Variants in ABCB11 observed in about 807,000 individuals in gnomAD.
The protein encoded by ABCB11 is ATP binding cassette subfamily B member 11.
In ABCB11, 95 loss-of-function variants were observed where a neutral mutation model predicts 148.0. The ratio of observed to expected loss-of-function variants is 0.64; its 90% CI spans 0.54 to 0.76. The LOEUF (loss-of-function observed/expected upper bound fraction) is 0.76. Among genes scored for constraint, ABCB11 ranks in the 30% least tolerant of loss-of-function variants. The pLI is 0.00. For missense variants in ABCB11, 1,523 were observed against 1,617.8 expected (o/e 0.94, Z 1.01); for synonymous variants, 591 against 555.4 (o/e 1.06, Z -0.90).
At chr2:168,915,857 C>G (rs1047667449), downstream of ABCB11, among the ~76,000 whole-genome samples, 1 of 152,154 alleles carries the variant, frequency 6.6e-6, no homozygotes, top group African/African-American at 2.4e-5. Flanking sequence ...ATTTTGCTTT[C>G]CAGCCTCTGT....
intron 10 of ABCB11, among the ~76,000 whole-genome samples, chr2:168,983,095 C>G (rs1223256357): frequency 6.6e-6 from 1 of 151,964 alleles, no homozygotes; most frequent in Non-Finnish European, 1.5e-5. Flanking sequence ...AGAGAGTTAC[C>G]AAAGGGATTT....
chr2:168,968,790 CA>C lies in ABCB11; in HGVS notation c.2012-301del, dbSNP rs4148788. Among the ~76,000 whole-genome samples the C allele has an allele frequency of 0.035, 5,125 of 148,324 alleles. 308 individuals carry two copies. Among genetic ancestry groups the C allele is most frequent in the East Asian group, 0.25 (1,255 of 5,028 alleles). On this transcript the variant is annotated intron_variant, in intron 16 of 27. Coordinates refer to ENST00000650372, the MANE Select transcript of ABCB11 (RefSeq NM_003742.4). ...TTTAAGAGAAGTCCATCAGAAGTAGCAAAAAAAAAATGATAGAAACACTAAA... is the reference window on the plus strand; with the variant it reads ...TTTAAGAGAAGTCCATCAGAAGTAGCAAAAAAAAATGATAGAAACACTAAA...
intron 17 of ABCB11, 53 bp downstream of exon 17, chr2:168,968,374 G>A (rs991886952): frequency 4.6e-6 from 7 of 1,512,610 alleles, no homozygotes; most frequent in Non-Finnish European, 6.4e-6. Context: ...GACTACAGAG[G>A]ACTCCTCAGA....
At chr2:168,948,435 T>C (rs1322628105) in intron 19 of ABCB11, among the ~76,000 whole-genome samples, 1 of 151,616 alleles carries the variant, frequency 6.6e-6, no homozygotes, top group East Asian at 1.9e-4. Context: ...CTCCACTCTA[T>C]GCCCAACATT....
chr2:168,920,170 G>C (rs148967473), downstream of ABCB11, among the ~76,000 whole-genome samples: 22 of 152,250 alleles, frequency 1.4e-4, no homozygotes, highest in Non-Finnish European at 2.1e-4. Context: ...CCAGTCACAT[G>C]ATTATAATTC....
chr2:168,942,229 C>T (rs78505070), intron 21 of ABCB11, among the ~76,000 whole-genome samples: 1 of 118,362 alleles, frequency 8.4e-6, no homozygotes, highest in African/African-American at 2.9e-5. Flanking sequence ...GGACATATAA[C>T]TATGAATCTT....
chr2:169,010,534 G>A lies in ABCB11; in HGVS notation c.389+2738C>T, dbSNP rs149538753. 1.2e-3 allele frequency among the ~76,000 whole-genome samples: 187 copies of A among 152,266 alleles called. 3 individuals carry two copies. The highest frequency in any genetic ancestry group is 4.1e-3 in the African/African-American group (172 of 41,562). The stretch of plus-strand genomic sequence containing the variant: ...ATGCTTTTGTTGCTAAAATTATTGG[G>A]TTGTCTTGTATATTCTAAGGCTAAT... On this transcript the variant is annotated intron_variant, in intron 5 of 27. Transcript: ENST00000650372.
At chr2:168,954,665 A>G (rs1692713758) in intron 19 of ABCB11, among the ~76,000 whole-genome samples, 1 of 151,622 alleles carries the variant, frequency 6.6e-6, no homozygotes, top group Admixed American at 6.6e-5. Context: ...TCTTTCTTTT[A>G]CTTTGACTTT....
intron 5 of ABCB11, among the ~76,000 whole-genome samples, chr2:169,009,512 G>A (rs368841544): frequency 4.1e-5 from 6 of 147,352 alleles, no homozygotes; most frequent in Admixed American, 2.8e-4. Context: ...CTCACTCATA[G>A]GTGGGAATTG....
At chr2:169,028,210 C>T (rs1695758237) in intron 1 of ABCB11, among the ~76,000 whole-genome samples, 1 of 151,982 alleles carries the variant, frequency 6.6e-6, no homozygotes, top group African/African-American at 2.4e-5. Flanking sequence ...GATTTACCTA[C>T]CCTAAAAATT....
In ABCB11 at chr2:168,976,635, T is replaced by C. The variant is rs752613769; in HGVS notation, c.1250A>G (p.Lys417Arg). 2 of 1,611,042 alleles carry C rather than the reference T, an allele frequency of 1.2e-6. No individual in the cohort carries two copies. The highest frequency in any genetic ancestry group is 1.7e-6 in the Non-Finnish European group (2 of 1,177,914). Residue 417 changes from lysine (K) to arginine (R), a missense_variant, in exon 12 of 28, where the codon AAG (lysine) becomes AGG (arginine). Transcript: ENST00000650372. The part of the protein sequence containing the change: ...SEDGYKLDRI[K>R]GEIEFHNVTF... The stretch of plus-strand genomic sequence containing the variant: ...CACATTATGGAATTCAATTTCACCC[T>C]TGATTCGATCCAACTTGTAACCATC...
intron 12 of ABCB11, among the ~76,000 whole-genome samples, chr2:168,975,081 A>AT (rs988763336): frequency 7.9e-6 from 1 of 125,834 alleles, no homozygotes; most frequent in Non-Finnish European, 1.7e-5. Flanking sequence ...ATATATAAAT[A>AT]TTTTTATATT....
intron 5 of ABCB11, among the ~76,000 whole-genome samples, chr2:169,000,567 C>T (rs1694841024): frequency 6.6e-6 from 1 of 152,032 alleles, no homozygotes; most frequent in Non-Finnish European, 1.5e-5. Context: ...CCACTTTTGT[C>T]AAAAATCAAT....
chr2:168,932,385 C>A lies in ABCB11; in HGVS notation c.3205G>T (p.Glu1069Ter), dbSNP rs1691611957. Residue 1069 changes from glutamate (E) to a stop codon, truncating the protein, a stop_gained, in exon 24 of 28, where the codon GAA becomes TAA. Transcript: ENST00000650372. LOFTEE classifies it high-confidence loss of function. The stretch of plus-strand genomic sequence containing the variant: ...AGTATTCCAACACTTACCCATTTTT[C>A]ACCTGCAGTATTGTATACACTGATT... The part of the protein sequence containing the change: ...PPISVYNTAG[E>*]KWDNFQGKID... 1.3e-6 allele frequency: 2 copies of A among 1,558,232 alleles called. No individual in the cohort carries two copies. The highest frequency in any genetic ancestry group is 1.7e-6 in the Non-Finnish European group (2 of 1,150,626).
intron 11 of ABCB11, among the ~76,000 whole-genome samples, chr2:168,977,002 A>G (rs1405634870): frequency 1.3e-5 from 2 of 149,058 alleles, no homozygotes; most frequent in Non-Finnish European, 3.0e-5. Flanking sequence ...TTACTGAGAT[A>G]TTATATATTA....
At chr2:168,929,671 T>C (rs1232165383) in intron 25 of ABCB11, among the ~76,000 whole-genome samples, 2 of 152,140 alleles carry the variant, frequency 1.3e-5, no homozygotes, top group Non-Finnish European at 2.9e-5. Flanking sequence ...AAAGGTAGGA[T>C]TGCTAACATT....
At chr2:169,020,150 G>A (rs904014700) in intron 1 of ABCB11, among the ~76,000 whole-genome samples, 9 of 152,234 alleles carry the variant, frequency 5.9e-5, no homozygotes, top group East Asian at 1.9e-4. Context: ...TAAGGTGTTC[G>A]ATATGCAGAT....
intron 10 of ABCB11, among the ~76,000 whole-genome samples, chr2:168,982,149 T>C (rs1694154605): frequency 6.6e-6 from 1 of 152,062 alleles, no homozygotes; most frequent in Non-Finnish European, 1.5e-5. Flanking sequence ...GAGACTGCTG[T>C]GGAACAATTA....
chr2:169,022,144 T>G (rs1017811412), intron 1 of ABCB11, among the ~76,000 whole-genome samples: 1 of 151,914 alleles, frequency 6.6e-6, no homozygotes, highest in Non-Finnish European at 1.5e-5. Flanking sequence ...AAAAGATACT[T>G]CAAGATTTAT....
Sources: gnomAD v4.1 joint callset for allele counts (sites outside exome capture counted in the v4.1 genomes callset) on GRCh38, gnomAD v4.1.1 for gene constraint, MANE v1.5 for transcripts, NCBI Gene and HGNC (gene_info 2026-07-23, HGNC 2026-07-21) for gene names.